The following ARHGAP19 variants were observed in gnomAD, a reference collection of about 807,000 sequenced individuals.
The protein encoded by ARHGAP19 is Rho GTPase activating protein 19.
In ARHGAP19, 48 loss-of-function variants were observed where a neutral mutation model predicts 60.9. That is an observed-to-expected ratio of 0.79 (90% CI 0.62 to 1.00). ARHGAP19 has a LOEUF of 1.00. ARHGAP19 is among the 50% of genes least tolerant of loss of function. The pLI, the probability that ARHGAP19 is intolerant of heterozygous loss-of-function variation, is 0.00. For synonymous variants in ARHGAP19, 209 were observed against 215.5 expected (o/e 0.97, Z 0.27); for missense variants, 562 against 597.2 (o/e 0.94, Z 0.61).
chr10:97,249,240 T>C (rs573137977), intron 6 of ARHGAP19, among the ~76,000 whole-genome samples: 4 of 152,174 alleles, frequency 2.6e-5, no homozygotes, highest in African/African-American at 9.7e-5. Context: ...TATCAACGGA[T>C]GCTAAAACCA....
At position 97,291,026 on chromosome 10, in the gene ARHGAP19, G is replaced by A. The variant is rs538788552; in HGVS notation, c.56+1546C>T. Among the ~76,000 whole-genome samples, 2 of 152,080 alleles carry A rather than the reference G, an allele frequency of 1.3e-5. 1 individual carries two copies. Among genetic ancestry groups the A allele is most frequent in the Non-Finnish European group, 2.9e-5 (2 of 68,034 alleles). On this transcript the variant is annotated intron_variant, in intron 1 of 11. Coordinates refer to ENST00000358531, the MANE Select transcript of ARHGAP19 (RefSeq NM_032900.6). Reference sequence around the variant, plus strand: ...TGTGACCGCATCCACCTTTAAACACGGGGCTTGCAACTTAGCTCACACCCA... The same window carrying A: ...TGTGACCGCATCCACCTTTAAACACAGGGCTTGCAACTTAGCTCACACCCA...
intron 7 of ARHGAP19, among the ~76,000 whole-genome samples, chr10:97,244,505 T>C (rs908049330): frequency 1.7e-4 from 26 of 152,192 alleles, no homozygotes; most frequent in African/African-American, 6.3e-4. Context: ...GATTCCCATC[T>C]GACAGAGGAA....
At chr10:97,231,313 T>C (rs1851012947) in intron 9 of ARHGAP19, among the ~76,000 whole-genome samples, 3 of 152,108 alleles carry the variant, frequency 2.0e-5, no homozygotes. Flanking sequence ...GAACATAACA[T>C]AAAATTTACT....
rs148632355 is a variant in ARHGAP19 at position 97,243,679 on chromosome 10, G to A, written c.1185+289C>T. ...AGAAAATCTGGAGGGTTTAAACTTC[G>A]GAACAATATGTTTTAACTGCTGGTT... On this transcript the variant is annotated intron_variant, in intron 8 of 11. Coordinates refer to ENST00000358531, the MANE Select transcript of ARHGAP19 (RefSeq NM_032900.6). Among the ~76,000 whole-genome samples, 750 of 152,232 alleles carry A rather than the reference G, an allele frequency of 4.9e-3. 7 individuals are homozygous for A. Among genetic ancestry groups the A allele is most frequent in the African/African-American group, 0.017 (708 of 41,532 alleles).
chr10:97,238,990 T>C (rs973613242), intron 8 of ARHGAP19, among the ~76,000 whole-genome samples: 5 of 152,184 alleles, frequency 3.3e-5, no homozygotes, highest in African/African-American at 1.2e-4. Flanking sequence ...TTACCATTGT[T>C]ACAATTGCCT....
At chr10:97,242,942 G>A (rs779428584) in intron 8 of ARHGAP19, among the ~76,000 whole-genome samples, 2 of 151,266 alleles carry the variant, frequency 1.3e-5, no homozygotes, top group African/African-American at 2.5e-5. Flanking sequence ...GAGCCACCGC[G>A]CCCAGCCGGT....
intron 1 of ARHGAP19, among the ~76,000 whole-genome samples, chr10:97,286,543 G>A (rs1235548201): frequency 1.3e-5 from 2 of 152,226 alleles, no homozygotes; most frequent in East Asian, 1.9e-4. Flanking sequence ...AGTGAGGCAC[G>A]ATTGCGCCAC....
intron 10 of ARHGAP19, among the ~76,000 whole-genome samples, chr10:97,229,446 G>A: frequency 6.6e-6 from 1 of 152,200 alleles, no homozygotes; most frequent in African/African-American, 2.4e-5. Context: ...ATAGAGCCTA[G>A]GAGGCCTGGC....
intron 3 of ARHGAP19, among the ~76,000 whole-genome samples, chr10:97,264,077 T>C (rs962093345): frequency 6.6e-6 from 1 of 152,228 alleles, no homozygotes; most frequent in Non-Finnish European, 1.5e-5. Flanking sequence ...CCAGAGTCTC[T>C]GCATTGCTCC....
chr10:97,253,379 C>CAA (rs551066347), intron 6 of ARHGAP19, among the ~76,000 whole-genome samples: 6 of 82,414 alleles, frequency 7.3e-5, no homozygotes, highest in Non-Finnish European at 4.9e-5. Context: ...AACTCTATCT[C>CAA]AAAAAAAAAA....
chr10:97,265,007 C>G (rs1842879764), intron 2 of ARHGAP19, 101 bp from the exon 3 acceptor site: 2 of 867,488 alleles, frequency 2.3e-6, no homozygotes, highest in Non-Finnish European at 3.7e-6. Flanking sequence ...ATTCAGCAAG[C>G]ATTTTCACAT....
intron 6 of ARHGAP19, among the ~76,000 whole-genome samples, chr10:97,248,667 C>T (rs1254767441): frequency 3.3e-5 from 5 of 152,078 alleles, no homozygotes; most frequent in Non-Finnish European, 5.9e-5. Flanking sequence ...ATAATTACTC[C>T]GATCTAGGCC....
chr10:97,268,845 A>G (rs1344774090), intron 1 of ARHGAP19, among the ~76,000 whole-genome samples: 1 of 152,206 alleles, frequency 6.6e-6, no homozygotes, highest in Non-Finnish European at 1.5e-5. Context: ...TTTACTTCTA[A>G]TATGTTGTTA....
chr10:97,242,039 AT>A (rs1370574714), intron 8 of ARHGAP19, among the ~76,000 whole-genome samples: 2 of 148,022 alleles, frequency 1.4e-5, no homozygotes, highest in Middle Eastern at 3.2e-3. Flanking sequence ...AATAATAATA[AT>A]TAATAAATAA....
At chr10:97,279,251 C>G (rs1014704892) in intron 1 of ARHGAP19, among the ~76,000 whole-genome samples, 1 of 152,122 alleles carries the variant, frequency 6.6e-6, no homozygotes, top group African/African-American at 2.4e-5. Flanking sequence ...ATACCAGAGA[C>G]AGTTCAACAT....
At chr10:97,263,395 T>A in intron 4 of ARHGAP19, 25 bp downstream of exon 4, 2 of 1,605,034 alleles carry the variant, frequency 1.2e-6, no homozygotes, top group Non-Finnish European at 8.5e-7. Flanking sequence ...TGTATTTACA[T>A]CTCCTTCTTA....
intron 4 of ARHGAP19, among the ~76,000 whole-genome samples, chr10:97,261,971 G>T (rs1269214740): frequency 6.6e-6 from 1 of 152,182 alleles, no homozygotes; most frequent in African/African-American, 2.4e-5. Context: ...AACCATGTGT[G>T]TAACCTATTA....
intron 4 of ARHGAP19, among the ~76,000 whole-genome samples, chr10:97,260,126 C>A (rs561867695): frequency 4.6e-5 from 7 of 151,140 alleles, no homozygotes; most frequent in African/African-American, 1.7e-4. Context: ...TGAGCCACAA[C>A]ACCCGGCCAA....
chr10:97,232,783 T>C (rs1331205227), intron 9 of ARHGAP19, among the ~76,000 whole-genome samples: 3 of 150,760 alleles, frequency 2.0e-5, no homozygotes, highest in African/African-American at 7.3e-5. Context: ...ACAGACACAG[T>C]GGCTCACATC....
Sources: allele counts gnomAD v4.1 joint callset (sites outside exome capture counted in the v4.1 genomes callset), GRCh38; gene constraint gnomAD v4.1.1; transcripts MANE v1.5; gene names NCBI Gene and HGNC (gene_info 2026-07-23, HGNC 2026-07-21).